Variants in PELI2 observed in about 807,000 individuals in gnomAD.
PELI2 encodes pellino E3 ubiquitin protein ligase family member 2, also known as E3 ubiquitin-protein ligase pellino homolog 2.
Under a neutral mutation model 42.3 loss-of-function variants are expected in PELI2, and 23 were observed. That is an observed-to-expected ratio of 0.54 (90% CI 0.39 to 0.77). PELI2 has a LOEUF of 0.77. Among genes scored for constraint, PELI2 ranks in the 30% least tolerant of loss-of-function variants. PELI2 has a pLI of 0.00. For missense variants in PELI2, 463 were observed against 553.2 expected (o/e 0.84, Z 1.64); for synonymous variants, 245 against 212.2 (o/e 1.15, Z -1.34).
chr14:56,216,936 A>G (rs1379663521), intron 2 of PELI2, among the ~76,000 whole-genome samples: 1 of 152,252 alleles, frequency 6.6e-6, no homozygotes, highest in African/African-American at 2.4e-5. Flanking sequence ...TCAAGAATTT[A>G]ATCATTTCCA....
intron 2 of PELI2, among the ~76,000 whole-genome samples, chr14:56,210,080 T>C (rs763000382): frequency 2.0e-5 from 3 of 152,172 alleles, no homozygotes; most frequent in South Asian, 2.1e-4. Flanking sequence ...CAAATTTCTT[T>C]AGTGTGATAA....
At chr14:56,260,546 AGTG>A (rs1888676422) in intron 2 of PELI2, among the ~76,000 whole-genome samples, 1 of 152,166 alleles carries the variant, frequency 6.6e-6, no homozygotes, top group South Asian at 2.1e-4. Context: ...TCTTGACTGA[AGTG>A]GTGGTTACAT....
At chr14:56,203,936 A>G (rs1594636130) in intron 2 of PELI2, among the ~76,000 whole-genome samples, 1 of 152,234 alleles carries the variant, frequency 6.6e-6, no homozygotes, top group African/African-American at 2.4e-5. Flanking sequence ...GGGATAGAGA[A>G]AATGACAAAT....
chr14:56,126,786 T>C (rs1024306571), intron 1 of PELI2, among the ~76,000 whole-genome samples: 4 of 152,188 alleles, frequency 2.6e-5, no homozygotes, highest in African/African-American at 9.7e-5. Context: ...TGCGGAAGGA[T>C]TGTAGACACA....
chr14:56,199,820 A>G (rs917984433), intron 2 of PELI2, among the ~76,000 whole-genome samples: 10 of 152,216 alleles, frequency 6.6e-5, no homozygotes, highest in Admixed American at 5.9e-4. Context: ...CCAGGGATTT[A>G]ATTAAGCTGT....
intron 2 of PELI2, among the ~76,000 whole-genome samples, chr14:56,243,482 C>T (rs1888049744): frequency 6.6e-6 from 1 of 152,192 alleles, no homozygotes; most frequent in Non-Finnish European, 1.5e-5. Flanking sequence ...GAAGTCACAA[C>T]TCAGTTTCTC....
At chr14:56,192,587 T>G (rs1211467214) in intron 2 of PELI2, among the ~76,000 whole-genome samples, 1 of 152,208 alleles carries the variant, frequency 6.6e-6, no homozygotes, top group Non-Finnish European at 1.5e-5. Context: ...TTTAGGCTAT[T>G]AAGCTCTAAT....
At chr14:56,294,448 T>C (rs1480640061) in intron 5 of PELI2, among the ~76,000 whole-genome samples, 3 of 152,190 alleles carry the variant, frequency 2.0e-5, no homozygotes, top group Admixed American at 2.0e-4. Context: ...AGTGACTGCA[T>C]TGGGAGTGAC....
In PELI2 at chr14:56,297,862, C is replaced by G. The variant is rs1319939722; in HGVS notation, c.*696C>G. On this transcript the variant is annotated 3_prime_UTR_variant, in exon 6 of 6. Coordinates refer to ENST00000267460, the MANE Select transcript of PELI2 (RefSeq NM_021255.3). ...AAACAATTTTCCATAACTTTTTAGC[C>G]TGTCTTTTGTTATTTCTGCCTAATA... 1 of 151,612 alleles carries G rather than the reference C, an allele frequency of 6.6e-6. No homozygotes were observed. Among genetic ancestry groups the G allele is most frequent in the African/African-American group, 2.4e-5 (1 of 41,226 alleles). The allele number at this position is 151,612 out of a possible 1,614,324, so 9.4% of individuals were successfully genotyped here.
At chr14:56,120,379 A>G (rs1481282044) in intron 1 of PELI2, among the ~76,000 whole-genome samples, 1 of 152,208 alleles carries the variant, frequency 6.6e-6, no homozygotes, top group African/African-American at 2.4e-5. Flanking sequence ...TGTTTCAGAA[A>G]AGCAGCGAGT....
In PELI2 at chr14:56,118,617, A is replaced by AGGC. The variant is rs758943002; in HGVS notation, c.-36_-34dup. ...GCGGACTCGGCGGGGATCGCGGCGG[A>AGGC]GGCGGCGGCGTCGGCGGCGGCGTCG... On this transcript the variant is annotated 5_prime_UTR_variant, in exon 1 of 6. Transcript: ENST00000267460. The AGGC allele has an allele frequency of 2.4e-6, 3 of 1,233,982 alleles. No homozygotes were observed. The highest frequency in any genetic ancestry group is 3.2e-6 in the Non-Finnish European group (3 of 945,414). The allele number at this position is 1,233,982 out of a possible 1,614,324, so 76.4% of individuals were successfully genotyped here.
At chr14:56,165,495 G>C (rs113380533) in intron 1 of PELI2, among the ~76,000 whole-genome samples, 117 of 152,142 alleles carry the variant, frequency 7.7e-4, no homozygotes, top group African/African-American at 2.7e-3. Flanking sequence ...ACCTTGGACA[G>C]ACCACATAAT....
intron 1 of PELI2, among the ~76,000 whole-genome samples, chr14:56,126,339 G>A (rs150482303): frequency 6.6e-6 from 1 of 152,362 alleles, no homozygotes; most frequent in East Asian, 1.9e-4. Flanking sequence ...ATTTTCAGCA[G>A]CAGGTTTAAG....
intron 2 of PELI2, among the ~76,000 whole-genome samples, chr14:56,198,619 G>A (rs868399019): frequency 6.6e-6 from 1 of 152,192 alleles, no homozygotes. Flanking sequence ...GCCATAAGCA[G>A]GAGATGAGCA....
At chr14:56,260,842 A>G (rs559813486) in intron 2 of PELI2, among the ~76,000 whole-genome samples, 99 of 152,268 alleles carry the variant, frequency 6.5e-4, no homozygotes, top group Non-Finnish European at 1.1e-3. Flanking sequence ...TTCCTAATGA[A>G]TGGATATGGA....
intron 2 of PELI2, among the ~76,000 whole-genome samples, chr14:56,264,000 C>A (rs1295146771): frequency 6.6e-6 from 1 of 152,114 alleles, no homozygotes; most frequent in African/African-American, 2.4e-5. Flanking sequence ...TTCACAGATT[C>A]CATATTTACA....
intron 1 of PELI2, among the ~76,000 whole-genome samples, chr14:56,137,385 C>T (rs78251676): frequency 0.13 from 19,428 of 152,152 alleles, 1,437 homozygotes; most frequent in Middle Eastern, 0.18. Flanking sequence ...AAGAATGAAA[C>T]CCTATGCTAC....
chr14:56,176,642 G>A (rs1420146209), intron 1 of PELI2, among the ~76,000 whole-genome samples: 2 of 152,116 alleles, frequency 1.3e-5, no homozygotes, highest in Non-Finnish European at 2.9e-5. Flanking sequence ...CTCTGGTTTG[G>A]CCACTCTTGG....
chr14:56,214,903 G>A (rs1280891571), intron 2 of PELI2, among the ~76,000 whole-genome samples: 3 of 152,184 alleles, frequency 2.0e-5, no homozygotes, highest in Admixed American at 6.5e-5. Flanking sequence ...CATTGCCAGC[G>A]TTGACAGAGG....
Sources: gnomAD v4.1 joint callset for allele counts (sites outside exome capture counted in the v4.1 genomes callset) on GRCh38, gnomAD v4.1.1 for gene constraint, MANE v1.5 for transcripts, NCBI Gene and HGNC (gene_info 2026-07-23, HGNC 2026-07-21) for gene names.